The following CENPW variants were observed in gnomAD, a reference collection of about 807,000 sequenced individuals.
CENPW encodes the protein centromere protein W, also known as cancer-up-regulated gene 2 protein.
In CENPW, 3 loss-of-function variants were observed where a neutral mutation model predicts 11.1. That is an observed-to-expected ratio of 0.27 (90% CI 0.12 to 0.70). The LOEUF (loss-of-function observed/expected upper bound fraction) is 0.70. Ranked by LOEUF, CENPW falls within the 30% of genes least tolerant of loss-of-function variation. The pLI is 0.77. For synonymous variants in CENPW, 38 were observed against 42.0 expected (o/e 0.91, Z 0.37); for missense variants, 100 against 105.6 (o/e 0.95, Z 0.23).
chr6:126,425,838 C>A, the CENPW span, among the ~76,000 whole-genome samples: 1 of 149,930 alleles, frequency 6.7e-6, no homozygotes. Flanking sequence ...TTGGTGGAGA[C>A]AAAGTTCATC....
the CENPW span, among the ~76,000 whole-genome samples, chr6:126,370,019 T>A: frequency 6.6e-6 from 1 of 152,346 alleles, no homozygotes; most frequent in South Asian, 2.1e-4. Flanking sequence ...CATCATTTGT[T>A]GAATAGGGTG....
chr6:126,404,359 A>G, the CENPW span, among the ~76,000 whole-genome samples: 1 of 152,094 alleles, frequency 6.6e-6, no homozygotes, highest in Non-Finnish European at 1.5e-5. Flanking sequence ...CTTCTAATGG[A>G]TCTGAGCAAA....
the CENPW span, among the ~76,000 whole-genome samples, chr6:126,382,447 T>C: frequency 6.6e-6 from 1 of 152,042 alleles, no homozygotes; most frequent in Non-Finnish European, 1.5e-5. Context: ...TGGGCTGAGA[T>C]GGCTGAAATG....
chr6:126,399,672 T>C, the CENPW span, among the ~76,000 whole-genome samples: 1 of 152,054 alleles, frequency 6.6e-6, no homozygotes, highest in Admixed American at 6.6e-5. Flanking sequence ...TGAGTTTCTC[T>C]TTTGATTTTT....
At chr6:126,421,894 A>G in the CENPW span, among the ~76,000 whole-genome samples, 1 of 152,106 alleles carries the variant, frequency 6.6e-6, no homozygotes, top group Non-Finnish European at 1.5e-5. Context: ...TTTGGCTTTA[A>G]TCATCATGGT....
chr6:126,418,704 A>C, the CENPW span, among the ~76,000 whole-genome samples: 1 of 152,120 alleles, frequency 6.6e-6, no homozygotes, highest in Non-Finnish European at 1.5e-5. Flanking sequence ...TATAGCTCCA[A>C]AAATAATCAT....
chr6:126,356,821 C>G, the CENPW span, among the ~76,000 whole-genome samples: 2 of 152,086 alleles, frequency 1.3e-5, no homozygotes, highest in African/African-American at 4.8e-5. Flanking sequence ...TTTATAGAGT[C>G]TAGATATTAA....
chr6:126,384,902 A>G, the CENPW span, among the ~76,000 whole-genome samples: 23 of 152,252 alleles, frequency 1.5e-4, no homozygotes, highest in African/African-American at 4.3e-4. Flanking sequence ...TCTATAAGGA[A>G]CTTAAATTTA....
the CENPW span, among the ~76,000 whole-genome samples, chr6:126,459,465 T>C: frequency 6.6e-6 from 1 of 151,682 alleles, no homozygotes; most frequent in Non-Finnish European, 1.5e-5. Context: ...AGAAAGTATC[T>C]ATTATAGTTA....
chr6:126,397,157 C>T, the CENPW span, among the ~76,000 whole-genome samples: 1 of 152,082 alleles, frequency 6.6e-6, no homozygotes, highest in Admixed American at 6.6e-5. Flanking sequence ...CCTAGACTGC[C>T]TTTCAATTTT....
chr6:126,433,168 AAC>A, the CENPW span, among the ~76,000 whole-genome samples: 1 of 152,208 alleles, frequency 6.6e-6, no homozygotes, highest in African/African-American at 2.4e-5. Flanking sequence ...TTCATTTAGA[AAC>A]ACATATTTAG....
the CENPW span, among the ~76,000 whole-genome samples, chr6:126,366,647 T>C: frequency 1.3e-5 from 2 of 152,250 alleles, no homozygotes; most frequent in African/African-American, 2.4e-5. Context: ...TAATTCTTGC[T>C]ATGTGCTCAG....
At chr6:126,353,016 C>T (rs952694548), downstream of CENPW, among the ~76,000 whole-genome samples, 1 of 151,986 alleles carries the variant, frequency 6.6e-6, no homozygotes, top group African/African-American at 2.4e-5. Context: ...GCACTGTTGA[C>T]TATTTCTAGA....
chr6:126,409,104 T>A, the CENPW span, among the ~76,000 whole-genome samples: 1 of 152,142 alleles, frequency 6.6e-6, no homozygotes, highest in Non-Finnish European at 1.5e-5. Flanking sequence ...AACTTCAACT[T>A]ATTACTGCTT....
Position 126,348,637 on chromosome 6 carries a change from T to C in CENPW, c.*145T>C. On this transcript the variant is annotated 3_prime_UTR_variant, in exon 3 of 3. Transcript: ENST00000368328. ...GTGTGTTTGTATTTTTTTTCTGGCA[T>C]GAAATATCTCAAGTAAATGCATAGG... is the stretch of plus-strand genomic sequence containing the variant. 1.8e-6 allele frequency: 1 copy of C among 546,724 alleles called. No individual in the cohort carries two copies. The highest frequency in any genetic ancestry group is 3.3e-6 in the Non-Finnish European group (1 of 305,974). The allele number at this position is 546,724 out of a possible 1,614,324, so 33.9% of individuals were successfully genotyped here. A position where few individuals can be genotyped will look rare whatever the true frequency, so the allele number is the denominator to read the frequency against.
the CENPW span, among the ~76,000 whole-genome samples, chr6:126,402,376 G>T: frequency 1.3e-5 from 2 of 150,126 alleles, no homozygotes; most frequent in Non-Finnish European, 3.0e-5. Context: ...TTCCATCACA[G>T]ATTTATTGAG....
At chr6:126,376,987 C>G in the CENPW span, among the ~76,000 whole-genome samples, 1 of 152,112 alleles carries the variant, frequency 6.6e-6, no homozygotes, top group Non-Finnish European at 1.5e-5. Context: ...TGATATTCAA[C>G]TTTTCCAGCA....
At chr6:126,347,813 T>C (rs1446807981) in intron 2 of CENPW, among the ~76,000 whole-genome samples, 1 of 151,396 alleles carries the variant, frequency 6.6e-6, no homozygotes, top group Non-Finnish European at 1.5e-5. Flanking sequence ...AGTAGATAAG[T>C]TTTTTTTTAA....
At chr6:126,464,666 C>A in the CENPW span, among the ~76,000 whole-genome samples, 1 of 152,138 alleles carries the variant, frequency 6.6e-6, no homozygotes, top group African/African-American at 2.4e-5. Context: ...GGGCCTTTGG[C>A]CACAGACTGA....
Sources: gnomAD v4.1 joint callset for allele counts (sites outside exome capture counted in the v4.1 genomes callset) on GRCh38, gnomAD v4.1.1 for gene constraint, MANE v1.5 for transcripts, NCBI Gene and HGNC (gene_info 2026-07-23, HGNC 2026-07-21) for gene names.